Variants in TMEM254 observed in about 807,000 individuals in gnomAD.
The protein encoded by TMEM254 is transmembrane protein C10orf57.
TMEM254 carries 16 observed loss-of-function variants against 13.9 expected under a neutral mutation model. That is an observed-to-expected ratio of 1.15 (90% CI 0.78 to 1.75). The LOEUF is 1.75. Ranked by LOEUF, TMEM254 falls within the 40% of genes most tolerant of loss-of-function variation. TMEM254 has a pLI of 0.00. For missense variants in TMEM254, 155 were observed against 149.0 expected (o/e 1.04, Z -0.21); for synonymous variants, 61 against 56.4 (o/e 1.08, Z -0.36).
intron 3 of TMEM254, chr10:80,090,553 G>A: frequency 1.5e-6 from 1 of 672,630 alleles, no homozygotes; most frequent in Non-Finnish European, 2.7e-6. Flanking sequence ...TTATAATACT[G>A]TGCCCTAGAC....
chr10:80,078,963 T>A, intron 1 of TMEM254, 177 bp downstream of exon 1: 1 of 1,535,420 alleles, frequency 6.5e-7, no homozygotes, highest in Non-Finnish European at 8.8e-7. Context: ...AGCATACTGG[T>A]CCGCCAGGGT....
chr10:80,090,681 A>T, intron 3 of TMEM254, 116 bp from the exon 4 acceptor site: 1 of 945,720 alleles, frequency 1.1e-6, no homozygotes, highest in Non-Finnish European at 1.6e-6. Flanking sequence ...CAGCAAAATA[A>T]ACCCAATGAA....
At chr10:80,079,338 A>G (rs1843839498) in intron 1 of TMEM254, 1 of 1,188,390 alleles carries the variant, frequency 8.4e-7, no homozygotes, top group Non-Finnish European at 1.1e-6. Context: ...CTCTTAGGAT[A>G]GTTTCTGCTT....
intron 3 of TMEM254, chr10:80,086,350 A>G (rs1453316435): frequency 1.1e-6 from 1 of 896,562 alleles, no homozygotes; most frequent in African/African-American, 1.8e-5. Context: ...AGGAGGAGGA[A>G]ACAAGCACTG....
rs539803752 is a variant in TMEM254 at position 80,082,706 on chromosome 10, A to G, written c.251+502A>G. Among the ~76,000 whole-genome samples the G allele has an allele frequency of 2.9e-4, 44 of 152,310 alleles. No individual in the cohort carries two copies. In the South Asian group the frequency reaches 9.1e-3, roughly 32 times the overall value. Reference sequence around the variant, plus strand: ...AGCTCCACAGATAATTCTAGGATGCAATGCTAGTTAAAAGCCCCCAAACCA... The same window carrying G: ...AGCTCCACAGATAATTCTAGGATGCGATGCTAGTTAAAAGCCCCCAAACCA... On this transcript the variant is annotated intron_variant, in intron 3 of 3. Coordinates refer to ENST00000372281, the MANE Select transcript of TMEM254 (RefSeq NM_025125.4).
chr10:80,079,105 G>A (rs926048094), intron 1 of TMEM254: 9 of 1,359,310 alleles, frequency 6.6e-6, no homozygotes, highest in Non-Finnish European at 7.8e-6. Context: ...TCGGAGGCCA[G>A]CAATGCGGCT....
At chr10:80,082,735 C>G (rs1015825267) in intron 3 of TMEM254, among the ~76,000 whole-genome samples, 4 of 152,090 alleles carry the variant, frequency 2.6e-5, no homozygotes, top group African/African-American at 9.7e-5. Flanking sequence ...CAAACCAGAC[C>G]CCACTCAGGA....
intron 3 of TMEM254, among the ~76,000 whole-genome samples, chr10:80,088,434 TTTTTTTTC>T (rs1244939210): frequency 8.2e-6 from 1 of 121,296 alleles, no homozygotes; most frequent in Non-Finnish European, 1.7e-5. Flanking sequence ...TTCCATTATG[TTTTTTTTC>T]TTTTTTTTTT....
intron 3 of TMEM254, among the ~76,000 whole-genome samples, chr10:80,083,779 TTAA>T (rs1844172702): frequency 1.3e-5 from 2 of 152,082 alleles, no homozygotes; most frequent in East Asian, 3.9e-4. Flanking sequence ...AGGCTCAGCC[TTAA>T]ATAGCTGCTG....
rs1396784666 is a variant in TMEM254 at position 80,090,654 on chromosome 10, G to GATA, written c.252-141_252-139dup. ...GATGAAAAATAAATGAACCATCCAA[G>GATA]ATAAGCCAGAGAAAAGCAGCAAAAT... On this transcript the variant is annotated intron_variant, in intron 3 of 3. Coordinates refer to ENST00000372281, the MANE Select transcript of TMEM254 (RefSeq NM_025125.4). 10 of 738,666 alleles carry GATA rather than the reference G, an allele frequency of 1.4e-5. No individual in the cohort carries two copies. In the African/African-American group the frequency reaches 1.8e-4, roughly 13 times the overall value. The allele number at this position is 738,666 out of a possible 1,614,324, so 45.8% of individuals were successfully genotyped here.
At chr10:80,088,959 T>A (rs1037658436) in intron 3 of TMEM254, among the ~76,000 whole-genome samples, 1 of 150,994 alleles carries the variant, frequency 6.6e-6, no homozygotes, top group African/African-American at 2.4e-5. Context: ...TCGCCCAGAC[T>A]GGAGTTCAGT....
intron 1 of TMEM254, chr10:80,079,064 T>C: frequency 6.9e-7 from 1 of 1,458,548 alleles, no homozygotes; most frequent in Middle Eastern, 1.8e-4. Context: ...CAGCCAACTC[T>C]GTGTCTGGGT....
chr10:80,085,143 T>C (rs1013108267), intron 3 of TMEM254, among the ~76,000 whole-genome samples: 4 of 152,176 alleles, frequency 2.6e-5, no homozygotes, highest in Admixed American at 1.3e-4. Flanking sequence ...TACAATTTTT[T>C]TGAAGGGCAG....
At chr10:80,083,941 CA>C (rs1188353168) in intron 3 of TMEM254, among the ~76,000 whole-genome samples, 1 of 151,960 alleles carries the variant, frequency 6.6e-6, no homozygotes, top group Non-Finnish European at 1.5e-5. Context: ...CTAAAAAAGC[CA>C]GGCATGGTGG....
chr10:80,086,230 G>A (rs779475785), intron 3 of TMEM254: 1 of 1,469,902 alleles, frequency 6.8e-7, no homozygotes, highest in South Asian at 1.4e-5. Flanking sequence ...CTTTTAAATA[G>A]GCAAAATGAG....
intron 1 of TMEM254, among the ~76,000 whole-genome samples, chr10:80,080,521 A>C (rs1189019354): frequency 1.3e-5 from 2 of 152,234 alleles, no homozygotes; most frequent in Non-Finnish European, 2.9e-5. Flanking sequence ...AAAGCCGAGA[A>C]AGGAATTCTA....
chr10:80,078,775 G>A lies in TMEM254; in HGVS notation c.76G>A (p.Gly26Ser), dbSNP rs757228293. Residue 26 changes from glycine to serine, a missense_variant, in exon 1 of 4, where the codon GGC becomes AGC. Transcript: ENST00000372281. ...FWFTVITLSFGYYTWVVFWPQ... is the reference protein window; with the variant it reads ...FWFTVITLSFSYYTWVVFWPQ... Reference sequence around the variant, plus strand: ...GTTCACAGTCATCACCCTCAGCTTTGGCTACTACACAGTAAGGACAGCCGC... The same window carrying A: ...GTTCACAGTCATCACCCTCAGCTTTAGCTACTACACAGTAAGGACAGCCGC... 6.2e-7 allele frequency: 1 copy of A among 1,605,854 alleles called. No homozygotes were observed. Among genetic ancestry groups the A allele is most frequent in the Non-Finnish European group, 8.5e-7 (1 of 1,176,374 alleles).
intron 3 of TMEM254, among the ~76,000 whole-genome samples, chr10:80,088,096 C>T (rs1301526909): frequency 3.3e-5 from 5 of 151,868 alleles, no homozygotes; most frequent in Non-Finnish European, 5.9e-5. Context: ...GCCGTTATCC[C>T]AGAGCTACTT....
rs1843782625 is a variant in TMEM254 at position 80,078,803 on chromosome 10, G to C, written c.87+17G>C. 1 of 1,587,144 alleles carries C rather than the reference G, an allele frequency of 6.3e-7. No homozygotes were observed. The highest frequency in any genetic ancestry group is 8.6e-7 in the Non-Finnish European group (1 of 1,166,646). ...TACTACACAGTAAGGACAGCCGCTG[G>C]AGCGCTACGGTCTGACGAACGAGCG... On this transcript the variant is annotated intron_variant, in intron 1 of 3. Transcript: ENST00000372281.
Sources: allele counts gnomAD v4.1 joint callset (sites outside exome capture counted in the v4.1 genomes callset), GRCh38; gene constraint gnomAD v4.1.1; transcripts MANE v1.5; gene names NCBI Gene and HGNC (gene_info 2026-07-23, HGNC 2026-07-21).